Variants in TMEM131L observed in about 807,000 individuals in gnomAD.
TMEM131L encodes transmembrane 131 like, also known as transmembrane protein 131-like.
TMEM131L carries 54 observed loss-of-function variants against 192.2 expected under a neutral mutation model. The observed-to-expected ratio is 0.28, with a 90% confidence interval of 0.23 to 0.35. The LOEUF (loss-of-function observed/expected upper bound fraction) is 0.35, where lower values mean the gene tolerates loss of function less well. Ranked by LOEUF, TMEM131L falls within the 10% of genes least tolerant of loss-of-function variation. The pLI, the probability that TMEM131L is intolerant of heterozygous loss-of-function variation, is 1.00. For missense variants in TMEM131L, 1,888 were observed against 1,972.9 expected, an observed-to-expected ratio of 0.96 and a Z score of 0.82; for synonymous variants, 701 against 704.9, an observed-to-expected ratio of 0.99 and a Z score of 0.09.
chr4:153,522,820 A>G (rs1735213052), intron 3 of TMEM131L, among the ~76,000 whole-genome samples: 2 of 152,152 alleles, frequency 1.3e-5, no homozygotes, highest in African/African-American at 2.4e-5. Flanking sequence ...TCCTTTGTGA[A>G]GTCCCCTTCC....
chr4:153,634,344 GT>G, intron 33 of TMEM131L, 64 bp downstream of exon 33: 1 of 1,302,362 alleles, frequency 7.7e-7, no homozygotes, highest in South Asian at 1.2e-5. Flanking sequence ...AGCAGGAAGT[GT>G]GTGGACTAAG....
intron 21 of TMEM131L, chr4:153,601,937 G>A (rs1486570156): frequency 3.1e-6 from 1 of 327,058 alleles, no homozygotes; most frequent in African/African-American, 2.1e-5. Context: ...GAAAAGTCTT[G>A]CCTACTTAAG....
Position 153,592,616 on chromosome 4 carries a change from G to A in TMEM131L, c.1922+32G>A, listed in dbSNP as rs754299184. ...AGACTTTTTTTCTGAGAGGCAGTTT[G>A]GGAAGTACTTGGGAAGACTTAGAAT... is the stretch of plus-strand genomic sequence containing the variant. On this transcript the variant is annotated intron_variant, in intron 18 of 34. Transcript: ENST00000409959. The A allele has an allele frequency of 2.8e-6, 4 of 1,420,150 alleles. No individual in the cohort carries two copies. The Admixed American group carries it at 6.7e-5, about 24-fold the overall frequency. 88.0% of individuals were successfully genotyped at this position (1,420,150 alleles called of 1,614,324 possible). A position where few individuals can be genotyped will look rare whatever the true frequency, so the allele number is the denominator to read the frequency against.
At chr4:153,589,052 C>G in intron 16 of TMEM131L, 45 bp downstream of exon 16, 1 of 1,006,076 alleles carries the variant, frequency 9.9e-7, no homozygotes, top group Non-Finnish European at 1.6e-6. Flanking sequence ...TGGGGAGACA[C>G]TGTTACAGTA....
intron 3 of TMEM131L, among the ~76,000 whole-genome samples, chr4:153,506,729 G>A (rs1341817213): frequency 6.6e-6 from 1 of 151,580 alleles, no homozygotes; most frequent in East Asian, 1.9e-4. Context: ...TGTAATCCCA[G>A]CTACTCAGGA....
intron 14 of TMEM131L, 88 bp from the exon 15 acceptor site, chr4:153,587,654 A>T: frequency 3.1e-6 from 3 of 959,606 alleles, no homozygotes; most frequent in Non-Finnish European, 5.1e-6. Context: ...TGAGGTGCAG[A>T]CCAATGTCTG....
rs1737939535 is a variant in TMEM131L at position 153,555,814 on chromosome 4, T to C, written c.336T>C (p.Ile112=). ...TCCTGGGACATCCTGTAGCAAAGAT[T>C]CTCCATGCTTACAACCCTAGTAGGG... ...IQFLGHPVAK[I]LHAYNPSRDS... is the part of the protein sequence containing the mutation. The change falls in exon 5 of 35, where the codon ATT becomes ATC. Residue 112 remains isoleucine, a synonymous_variant. Transcript: ENST00000409959. The surrounding 1 kb of genome is among the most constrained non-coding windows in gnomAD (Gnocchi z 4.1). 1 of 1,551,442 alleles carries C rather than the reference T, an allele frequency of 6.4e-7. No individual in the cohort carries two copies. Among genetic ancestry groups the C allele is most frequent in the South Asian group, 1.2e-5 (1 of 84,052 alleles).
intron 3 of TMEM131L, among the ~76,000 whole-genome samples, chr4:153,502,362 C>T (rs956871849): frequency 6.6e-6 from 1 of 152,166 alleles, no homozygotes; most frequent in Non-Finnish European, 1.5e-5. Context: ...AAAATGTCTT[C>T]TTAAGGAGGA....
intron 3 of TMEM131L, among the ~76,000 whole-genome samples, chr4:153,492,521 A>C (rs961101355): frequency 6.6e-6 from 1 of 152,230 alleles, no homozygotes; most frequent in Non-Finnish European, 1.5e-5. Context: ...TAAGTCTACC[A>C]CTTTGGACTT....
intron 7 of TMEM131L, among the ~76,000 whole-genome samples, chr4:153,565,633 A>G (rs1311084036): frequency 3.3e-5 from 5 of 152,230 alleles, no homozygotes; most frequent in Non-Finnish European, 4.4e-5. Context: ...TCCATGATCC[A>G]GAAAAGATAA....
At chr4:153,602,459 A>AGTAT in intron 22 of TMEM131L, 83 bp from the exon 23 acceptor site, 1 of 1,523,844 alleles carries the variant, frequency 6.6e-7, no homozygotes. Context: ...CTTTTGTAGG[A>AGTAT]GTATGATGTG....
At position 153,591,036 on chromosome 4, in the gene TMEM131L, C is replaced by A. The variant is rs773448355; in HGVS notation, c.1671-17C>A. On this transcript the variant is annotated splice_polypyrimidine_tract_variant and intron_variant, in intron 16 of 34. Transcript: ENST00000409959. ...ATCAAAATATTTTTCATAATAGTTTCTTTATCAATTAAACAGGAGGAATGT... is the reference window on the plus strand; with the variant it reads ...ATCAAAATATTTTTCATAATAGTTTATTTATCAATTAAACAGGAGGAATGT... The A allele has an allele frequency of 1.4e-6, 2 of 1,472,186 alleles. No homozygotes were observed. The highest frequency in any genetic ancestry group is 1.8e-6 in the Non-Finnish European group (2 of 1,104,282). 91.2% of individuals were successfully genotyped at this position (1,472,186 alleles called of 1,614,324 possible).
intron 9 of TMEM131L, among the ~76,000 whole-genome samples, chr4:153,581,886 C>T (rs1298250810): frequency 1.3e-5 from 2 of 152,196 alleles, no homozygotes; most frequent in Non-Finnish European, 2.9e-5. Context: ...TCTTGTTCCA[C>T]TTTTAATGAT....
rs183122150 is a variant in TMEM131L at position 153,561,017 on chromosome 4, A to G, written c.660+2649A>G. On this transcript the variant is annotated intron_variant, in intron 7 of 34. Coordinates refer to ENST00000409959, the MANE Select transcript of TMEM131L (RefSeq NM_001131007.2). ...CAATCCCACTAGCAATGAGGATTCC[A>G]GTCTTCTACAACTTTGCCAACACTT... is the stretch of plus-strand genomic sequence containing the variant. Among the ~76,000 whole-genome samples, 3 of 152,366 alleles carry G rather than the reference A, an allele frequency of 2.0e-5. No homozygotes were observed. The East Asian group carries it at 5.8e-4, about 29-fold the overall frequency.
rs186865129 is a variant in TMEM131L at position 153,480,278 on chromosome 4, G to A, written c.239+6390G>A. 1.1e-3 allele frequency among the ~76,000 whole-genome samples: 161 copies of A among 152,318 alleles called. 2 individuals carry two copies. Among genetic ancestry groups the A allele is most frequent in the African/African-American group, 3.8e-3 (156 of 41,562 alleles). ...GGCATGAACCCGGGAGTCGGAGCTT[G>A]CAGCGAGCCGAGATCGCGCCACTGC... On this transcript the variant is annotated intron_variant, in intron 3 of 34. Transcript: ENST00000409959.
At chr4:153,501,305 G>A (rs949540042) in intron 3 of TMEM131L, among the ~76,000 whole-genome samples, 1 of 150,036 alleles carries the variant, frequency 6.7e-6, no homozygotes, top group Non-Finnish European at 1.5e-5. Context: ...TCGGGTTCAA[G>A]CAATTCTGCC....
At chr4:153,472,990 T>A (rs566753802) in intron 2 of TMEM131L, among the ~76,000 whole-genome samples, 7 of 152,348 alleles carry the variant, frequency 4.6e-5, no homozygotes, top group Admixed American at 3.3e-4. Context: ...AGTGTGTGCC[T>A]GGGGCCTAGC....
At chr4:153,556,310 A>T (rs1031846559) in intron 5 of TMEM131L, among the ~76,000 whole-genome samples, 2 of 152,192 alleles carry the variant, frequency 1.3e-5, no homozygotes, top group Non-Finnish European at 2.9e-5. Context: ...GCCTACTAGG[A>T]AAGTTAGGTC....
intron 18 of TMEM131L, among the ~76,000 whole-genome samples, chr4:153,593,460 C>T (rs992850652): frequency 6.6e-6 from 1 of 152,084 alleles, no homozygotes; most frequent in Admixed American, 6.5e-5. Context: ...GATAAAATTG[C>T]CTTTGGTTGA....
Sources: gnomAD v4.1 joint callset for allele counts (sites outside exome capture counted in the v4.1 genomes callset) on GRCh38, gnomAD v4.1.1 for gene constraint, Gnocchi (gnomAD v3.1) non-coding constraint, MANE v1.5 for transcripts, NCBI Gene and HGNC (gene_info 2026-07-23, HGNC 2026-07-21) for gene names.